Variants in SEC14L1 observed in about 807,000 individuals in gnomAD.
SEC14L1 encodes SEC14-like protein 1.
A neutral mutation model predicts 85.3 loss-of-function variants in SEC14L1; 48 were observed. That is an observed-to-expected ratio of 0.56 (90% confidence interval 0.45 to 0.72). SEC14L1 has a LOEUF of 0.72. Ranked by LOEUF, SEC14L1 falls within the 30% of genes least tolerant of loss-of-function variation. SEC14L1 has a pLI of 0.00. For synonymous variants in SEC14L1, 391 were observed against 355.5 expected (o/e 1.10, Z -1.12); for missense variants, 682 against 921.4 (o/e 0.74, Z 3.36).
intron 3 of SEC14L1, among the ~76,000 whole-genome samples, chr17:77,158,218 G>T (rs1973895080): frequency 6.6e-6 from 1 of 152,168 alleles, no homozygotes; most frequent in Non-Finnish European, 1.5e-5. Context: ...GAGTTCAGTG[G>T]CACTAACTAA....
At chr17:77,143,904 C>T in intron 3 of SEC14L1, 1 of 355,856 alleles carries the variant, frequency 2.8e-6, no homozygotes, top group Non-Finnish European at 5.1e-6. Flanking sequence ...TTAATTCTCC[C>T]TTTGAACACA....
At chr17:77,182,148 G>C (rs1350708424) in intron 3 of SEC14L1, among the ~76,000 whole-genome samples, 1 of 152,086 alleles carries the variant, frequency 6.6e-6, no homozygotes, top group Non-Finnish European at 1.5e-5. Context: ...GGCTAAACTG[G>C]GTATGAACAT....
intron 11 of SEC14L1, among the ~76,000 whole-genome samples, chr17:77,205,666 C>T (rs1251470086): frequency 6.6e-6 from 1 of 152,108 alleles, no homozygotes; most frequent in Admixed American, 6.6e-5. Context: ...AAACCAAGCT[C>T]TAAGTTACAG....
intron 2 of SEC14L1, among the ~76,000 whole-genome samples, chr17:77,092,552 G>GTAC (rs1244527531): frequency 6.6e-6 from 1 of 152,128 alleles, no homozygotes; most frequent in Non-Finnish European, 1.5e-5. Flanking sequence ...TATGTAGGTT[G>GTAC]ATAACCAGGT....
upstream of SEC14L1, chr17:77,140,735 T>C (rs1043404852): frequency 6.7e-6 from 1 of 149,780 alleles, no homozygotes; most frequent in Middle Eastern, 3.6e-3. Context: ...CATCCAGCAG[T>C]GCGACGGGGC....
At chr17:77,201,766 T>C (rs1183138794) in intron 9 of SEC14L1, among the ~76,000 whole-genome samples, 1 of 152,098 alleles carries the variant, frequency 6.6e-6, no homozygotes, top group Non-Finnish European at 1.5e-5. Flanking sequence ...ATGTGTCTTA[T>C]TAAACGTTGG....
rs191968877 is a variant in SEC14L1, at chr17:77,145,641, G to A, written c.63+1982G>A. ...CTGTTTTGGCTTTTGGTTGTATGAGGCAAAGACCCACTCCAGCCAGCTTGG... is the reference window on the plus strand; with the variant it reads ...CTGTTTTGGCTTTTGGTTGTATGAGACAAAGACCCACTCCAGCCAGCTTGG... On this transcript the variant is annotated intron_variant, in intron 3 of 16. Coordinates refer to ENST00000436233, the MANE Select transcript of SEC14L1 (RefSeq NM_001143998.2). Among the ~76,000 whole-genome samples the A allele has an allele frequency of 2.6e-5, 4 of 152,260 alleles. No individual in the cohort carries two copies. In the East Asian group the frequency reaches 7.7e-4, roughly 29 times the overall value.
intron 3 of SEC14L1, among the ~76,000 whole-genome samples, chr17:77,111,554 A>C (rs1044576304): frequency 6.6e-6 from 1 of 152,156 alleles, no homozygotes; most frequent in Non-Finnish European, 1.5e-5. Context: ...GCCCAAGGCC[A>C]TGGGAGCCCA....
chr17:77,139,913 CATGA>C (rs2143485897), upstream of SEC14L1, among the ~76,000 whole-genome samples: 1 of 152,264 alleles, frequency 6.6e-6, no homozygotes, highest in Non-Finnish European at 1.5e-5. Flanking sequence ...GTGATGAGGC[CATGA>C]ATGATTTGCT....
In SEC14L1 at chr17:77,213,375, C is replaced by G. The variant is rs1976866747; in HGVS notation, c.1925C>G (p.Pro642Arg). The G allele has an allele frequency of 6.2e-7, 1 of 1,613,364 alleles. No individual in the cohort carries two copies. Among genetic ancestry groups the G allele is most frequent in the Admixed American group, 1.7e-5 (1 of 59,984 alleles). Residue 642 changes from proline (P) to arginine (R), a missense_variant, in exon 16 of 17, where the codon CCT becomes CGT. Pro to Arg is a moderately radical substitution (Grantham distance 103). Around this residue, in one of 3 missense-constraint regions of SEC14L1, gnomAD observed 420 missense variants for 619.5 expected, o/e 0.68. Transcript: ENST00000436233. This position sits in a 1 kb window ranked among gnomAD's most constrained non-coding sequence, Gnocchi z 7.1. ...CTGCAGTGGAAATTCCACAGCATGC[C>G]TGCGTGCGCCGCCAGCAGCCTTCCC... ...YILQWKFHSMPACAASSLPRV... is the reference protein window; with the variant it reads ...YILQWKFHSMRACAASSLPRV...
upstream of SEC14L1, among the ~76,000 whole-genome samples, chr17:77,137,814 T>C (rs1162871183): frequency 6.6e-6 from 1 of 152,248 alleles, no homozygotes; most frequent in Non-Finnish European, 1.5e-5. Context: ...TCTTTACATA[T>C]AACCCCCTTC....
intron 9 of SEC14L1, among the ~76,000 whole-genome samples, chr17:77,202,945 A>T (rs567429424): frequency 8.9e-4 from 135 of 151,812 alleles, no homozygotes; most frequent in African/African-American, 1.8e-3. Context: ...ATAAAAAAAA[A>T]AAAAAAACAG....
intron 3 of SEC14L1, among the ~76,000 whole-genome samples, chr17:77,131,538 G>A (rs1972611033): frequency 6.6e-6 from 1 of 152,208 alleles, no homozygotes; most frequent in African/African-American, 2.4e-5. Context: ...CCAAAGTGCT[G>A]GGATTACAGG....
chr17:77,148,833 C>T (rs946556231), intron 3 of SEC14L1, among the ~76,000 whole-genome samples: 4 of 152,214 alleles, frequency 2.6e-5, no homozygotes, highest in African/African-American at 9.6e-5. Context: ...TATCCGTCCT[C>T]GCACGTCTCA....
At chr17:77,207,516 A>G (rs1023224729) in intron 13 of SEC14L1, among the ~76,000 whole-genome samples, 3 of 151,948 alleles carry the variant, frequency 2.0e-5, no homozygotes, top group South Asian at 2.1e-4. Flanking sequence ...CAGTGGTGCA[A>G]TCTCAGCTCA....
intron 3 of SEC14L1, chr17:77,094,897 CA>C (rs1971603445): frequency 6.6e-6 from 1 of 152,118 alleles, no homozygotes. Flanking sequence ...ATTAATTGCC[CA>C]AAGTAATATA....
chr17:77,202,064 G>A (rs1976177853), intron 9 of SEC14L1, among the ~76,000 whole-genome samples: 1 of 152,120 alleles, frequency 6.6e-6, no homozygotes, highest in Non-Finnish European at 1.5e-5. Flanking sequence ...AGGCAGTGCT[G>A]ACTCTAGGGA....
At chr17:77,204,251 C>T (rs561642166) in intron 10 of SEC14L1, among the ~76,000 whole-genome samples, 187 of 152,278 alleles carry the variant, frequency 1.2e-3, no homozygotes, top group African/African-American at 4.4e-3. Flanking sequence ...GAGTTTCACT[C>T]TTGTTACCCA....
chr17:77,123,056 GTT>G (rs576509405), intron 3 of SEC14L1, among the ~76,000 whole-genome samples: 2 of 141,916 alleles, frequency 1.4e-5, no homozygotes, highest in African/African-American at 2.6e-5. Flanking sequence ...TTTTGTTTTT[GTT>G]TTTTTTTTTT....
Sources: allele counts gnomAD v4.1 joint callset (sites outside exome capture counted in the v4.1 genomes callset), GRCh38; gene constraint gnomAD v4.1.1; regional missense constraint gnomAD v4.1.1; non-coding constraint Gnocchi (gnomAD v3.1); transcripts MANE v1.5; gene names NCBI Gene and HGNC (gene_info 2026-07-23, HGNC 2026-07-21).